The following TMPRSS11F variants were observed in gnomAD, a reference collection of about 807,000 sequenced individuals.
The protein encoded by TMPRSS11F is transmembrane serine protease 11F.
Under a neutral mutation model 60.2 loss-of-function variants are expected in TMPRSS11F, and 47 were observed. That is an observed-to-expected ratio of 0.78 (90% CI 0.62 to 1.00). TMPRSS11F has a LOEUF of 1.00. Ranked by LOEUF, TMPRSS11F falls within the 50% of genes least tolerant of loss-of-function variation. The pLI, the probability that TMPRSS11F is intolerant of heterozygous loss-of-function variation, is 0.00. For missense variants in TMPRSS11F, 519 were observed against 522.9 expected (o/e 0.99, Z 0.07); for synonymous variants, 166 against 167.3 (o/e 0.99, Z 0.06).
At chr4:68,060,515 CAAAAA>C (rs71218926) in intron 8 of TMPRSS11F, among the ~76,000 whole-genome samples, 2 of 29,638 alleles carry the variant, frequency 6.7e-5, no homozygotes, top group African/African-American at 1.6e-4. Context: ...GACTCCAACT[CAAAAA>C]AAAAAAAAAA....
chr4:68,101,424 T>G (rs1174918530), intron 1 of TMPRSS11F, among the ~76,000 whole-genome samples: 4 of 150,398 alleles, frequency 2.7e-5, no homozygotes, highest in Admixed American at 2.0e-4. Context: ...TAGGCTGTTG[T>G]GAAAAGCCTG....
intron 9 of TMPRSS11F, among the ~76,000 whole-genome samples, chr4:68,057,797 C>T (rs77358345): frequency 0.035 from 5,332 of 152,126 alleles, 266 homozygotes; most frequent in African/African-American, 0.11. Flanking sequence ...TGAATTTAAA[C>T]CACCTAAGTG....
intron 1 of TMPRSS11F, among the ~76,000 whole-genome samples, chr4:68,107,462 G>T (rs989379453): frequency 2.6e-5 from 4 of 152,138 alleles, no homozygotes; most frequent in African/African-American, 9.7e-5. Flanking sequence ...ACATGAACAA[G>T]GTGAAAGATG....
chr4:68,126,880 G>A (rs1724722494), intron 1 of TMPRSS11F, among the ~76,000 whole-genome samples: 1 of 152,188 alleles, frequency 6.6e-6, no homozygotes, highest in African/African-American at 2.4e-5. Context: ...ATATCTTGAA[G>A]GAAGACCATG....
intron 1 of TMPRSS11F, among the ~76,000 whole-genome samples, chr4:68,100,157 T>C (rs1426338319): frequency 6.6e-6 from 1 of 152,094 alleles, no homozygotes; most frequent in Non-Finnish European, 1.5e-5. Flanking sequence ...ACATGACTTT[T>C]GTCCTCTAAG....
At chr4:68,110,444 T>A (rs1285361102) in intron 1 of TMPRSS11F, among the ~76,000 whole-genome samples, 1 of 152,170 alleles carries the variant, frequency 6.6e-6, no homozygotes, top group Non-Finnish European at 1.5e-5. Context: ...TTAATTATGA[T>A]CTGCTCTATA....
intron 3 of TMPRSS11F, among the ~76,000 whole-genome samples, chr4:68,081,815 A>G (rs558879119): frequency 6.6e-6 from 1 of 152,336 alleles, no homozygotes; most frequent in African/African-American, 2.4e-5. Flanking sequence ...TTTTGGGCAT[A>G]GAAAGATGGT....
At chr4:68,128,581 C>A (rs890905487) in intron 1 of TMPRSS11F, among the ~76,000 whole-genome samples, 2 of 151,812 alleles carry the variant, frequency 1.3e-5, no homozygotes, top group African/African-American at 4.8e-5. Flanking sequence ...AAGAATCAGG[C>A]TGATAAAAAA....
chr4:68,068,588 G>A (rs10004522), intron 7 of TMPRSS11F, 30 bp downstream of exon 7: 1,218,544 of 1,597,030 alleles, frequency 0.76, 471,968 homozygotes, highest in East Asian at 0.87. Flanking sequence ...ACTGTGAAAA[G>A]AAGGCTCACA....
At chr4:68,088,273 A>G (rs1419714240) in intron 3 of TMPRSS11F, among the ~76,000 whole-genome samples, 1 of 151,682 alleles carries the variant, frequency 6.6e-6, no homozygotes, top group East Asian at 1.9e-4. Flanking sequence ...CTTTAAACCA[A>G]CAAAGATCAA....
intron 5 of TMPRSS11F, 99 bp downstream of exon 5, chr4:68,072,224 A>ATATATATATATATATATATATATAT (rs1553885908): frequency 4.9e-5 from 2 of 40,418 alleles, no homozygotes; most frequent in East Asian, 1.3e-3. Context: ...TATCTTCCAA[A>ATATATATATATATATATATATATAT]AAAAAAATAT....
Position 68,100,836 on chromosome 4 carries a change from A to G in TMPRSS11F, c.12-1798T>C, listed in dbSNP as rs1577929448. 2.6e-5 allele frequency among the ~76,000 whole-genome samples: 4 copies of G among 152,230 alleles called. No individual in the cohort carries two copies. In the South Asian group the frequency reaches 8.3e-4, roughly 32 times the overall value. On this transcript the variant is annotated intron_variant, in intron 1 of 9. Coordinates refer to ENST00000356291, the MANE Select transcript of TMPRSS11F (RefSeq NM_207407.2). ...TAAGGTTAGAATTACATAACCTAGAAAAAAAATGAAAAAGTTACTATGTAC... is the reference window on the plus strand; with the variant it reads ...TAAGGTTAGAATTACATAACCTAGAGAAAAAATGAAAAAGTTACTATGTAC...
chr4:68,078,020 A>C (rs1577918775), intron 3 of TMPRSS11F, among the ~76,000 whole-genome samples: 1 of 152,000 alleles, frequency 6.6e-6, no homozygotes, highest in Admixed American at 6.6e-5. Flanking sequence ...GGCTGGGCTG[A>C]CCTGCCCTGC....
chr4:68,097,470 C>A (rs1724096782), intron 2 of TMPRSS11F, among the ~76,000 whole-genome samples: 1 of 151,952 alleles, frequency 6.6e-6, no homozygotes, highest in South Asian at 2.1e-4. Flanking sequence ...TTATTAGGAC[C>A]CTTGCAGTTA....
intron 1 of TMPRSS11F, among the ~76,000 whole-genome samples, chr4:68,101,941 C>T (rs1333679305): frequency 1.3e-5 from 2 of 152,048 alleles, no homozygotes; most frequent in Admixed American, 6.6e-5. Context: ...CCAGACTTTC[C>T]ATCCTACATA....
chr4:68,121,477 T>C (rs1724623998), intron 1 of TMPRSS11F, among the ~76,000 whole-genome samples: 1 of 152,230 alleles, frequency 6.6e-6, no homozygotes, highest in Non-Finnish European at 1.5e-5. Flanking sequence ...TTCAAAGTTA[T>C]ATTAATTGTA....
intron 7 of TMPRSS11F, 85 bp from the exon 8 acceptor site, chr4:68,065,029 G>T: frequency 7.6e-7 from 1 of 1,319,922 alleles, no homozygotes; most frequent in Non-Finnish European, 1.0e-6. Context: ...CCAACTGTCA[G>T]TATTATGCTC....
At chr4:68,100,379 G>A (rs1036460136) in intron 1 of TMPRSS11F, among the ~76,000 whole-genome samples, 4 of 152,138 alleles carry the variant, frequency 2.6e-5, no homozygotes, top group African/African-American at 9.7e-5. Context: ...ATGTGAATGA[G>A]GATGGGGATT....
At chr4:68,116,450 T>C (rs1328183769) in intron 1 of TMPRSS11F, among the ~76,000 whole-genome samples, 1 of 152,114 alleles carries the variant, frequency 6.6e-6, no homozygotes, top group African/African-American at 2.4e-5. Context: ...AATGCAATCC[T>C]GTCAAAATCT....
Sources: gnomAD v4.1 joint callset for allele counts (sites outside exome capture counted in the v4.1 genomes callset) on GRCh38, gnomAD v4.1.1 for gene constraint, MANE v1.5 for transcripts, NCBI Gene and HGNC (gene_info 2026-07-23, HGNC 2026-07-21) for gene names.